Variants in CYP2C19 observed in about 807,000 individuals in gnomAD.
CYP2C19 encodes cytochrome P450 2C19.
In CYP2C19, 59 loss-of-function variants were observed where a neutral mutation model predicts 40.9. The ratio of observed to expected loss-of-function variants is 1.44; its 90% CI spans 1.17 to 1.79. The LOEUF is 1.79. CYP2C19 is among the 40% of genes most tolerant of loss of function. The pLI is 0.00. For missense variants in CYP2C19, 754 were observed against 596.9 expected (o/e 1.26, Z -2.74); for synonymous variants, 253 against 208.7 (o/e 1.21, Z -1.83).
intron 1 of CYP2C19, among the ~76,000 whole-genome samples, chr10:94,769,563 A>G (rs1848298536): frequency 6.6e-6 from 1 of 152,168 alleles, no homozygotes; most frequent in East Asian, 1.9e-4. Context: ...CTCATTGATG[A>G]GTATAAGATC....
At chr10:94,810,405 G>C (rs1848902661) in intron 5 of CYP2C19, among the ~76,000 whole-genome samples, 1 of 152,094 alleles carries the variant, frequency 6.6e-6, no homozygotes, top group Admixed American at 6.6e-5. Flanking sequence ...CTTATAAAAT[G>C]AGTTAGGAAA....
chr10:94,809,879 G>A (rs1372104221), intron 5 of CYP2C19, among the ~76,000 whole-genome samples: 2 of 151,762 alleles, frequency 1.3e-5, no homozygotes, highest in Non-Finnish European at 2.9e-5. Flanking sequence ...GTGTGTGTTT[G>A]TTTATTTATT....
At chr10:94,841,426 T>G (rs1015957891) in intron 6 of CYP2C19, among the ~76,000 whole-genome samples, 5 of 152,244 alleles carry the variant, frequency 3.3e-5, no homozygotes, top group Non-Finnish European at 7.4e-5. Context: ...GAGTGAAAGC[T>G]CAGCTCCAGC....
chr10:94,840,645 C>T (rs560339129), intron 6 of CYP2C19, among the ~76,000 whole-genome samples: 5 of 152,278 alleles, frequency 3.3e-5, no homozygotes, highest in South Asian at 2.1e-4. Flanking sequence ...AAGGTAGGGG[C>T]GCACGCATGT....
intron 1 of CYP2C19, among the ~76,000 whole-genome samples, chr10:94,767,378 G>A (rs1848260240): frequency 6.6e-6 from 1 of 152,134 alleles, no homozygotes; most frequent in African/African-American, 2.4e-5. Flanking sequence ...CTTTGGGGAA[G>A]CCAAAATCTA....
chr10:94,798,772 G>A (rs530205243), intron 5 of CYP2C19, among the ~76,000 whole-genome samples: 6 of 142,812 alleles, frequency 4.2e-5, no homozygotes, highest in Non-Finnish European at 7.6e-5. Flanking sequence ...TTCTTTGTTG[G>A]TTTAAAGTCT....
intron 6 of CYP2C19, among the ~76,000 whole-genome samples, chr10:94,834,431 C>T (rs1045255744): frequency 6.6e-6 from 1 of 151,656 alleles, no homozygotes; most frequent in African/African-American, 2.4e-5. Flanking sequence ...TGTTTAATTT[C>T]TCAAAGAAAC....
rs11188078 is a variant in CYP2C19, at chr10:94,772,604, C to A, written c.169-2454C>A. ...GGTCAACCAACTTGTTGTCGGGACC[C>A]CGGAGCTGAATGGCTTTCCTCTCTG... is the stretch of plus-strand genomic sequence containing the variant. On this transcript the variant is annotated intron_variant, in intron 1 of 8. Coordinates refer to ENST00000371321, the MANE Select transcript of CYP2C19 (RefSeq NM_000769.4). Among the ~76,000 whole-genome samples the A allele has an allele frequency of 2.2e-4, 33 of 152,264 alleles. 1 individual carries two copies. The East Asian group carries it at 5.0e-3, about 23-fold the overall frequency.
At chr10:94,798,814 ATTTTTTTTT>A (rs61240923) in intron 5 of CYP2C19, among the ~76,000 whole-genome samples, 5 of 67,696 alleles carry the variant, frequency 7.4e-5, no homozygotes, top group Admixed American at 2.1e-4. Context: ...GCAACCCCTG[ATTTTTTTTT>A]TTTTTTTTTT....
At chr10:94,784,293 A>G (rs1349144308) in intron 5 of CYP2C19, among the ~76,000 whole-genome samples, 2 of 152,044 alleles carry the variant, frequency 1.3e-5, no homozygotes, top group Non-Finnish European at 2.9e-5. Flanking sequence ...ATTGTTATTC[A>G]TCTGTTTGTG....
At chr10:94,834,410 C>G (rs1849370788) in intron 6 of CYP2C19, among the ~76,000 whole-genome samples, 1 of 151,958 alleles carries the variant, frequency 6.6e-6, no homozygotes, top group Non-Finnish European at 1.5e-5. Context: ...TGGCTAAAAA[C>G]TTGTCAATTT....
At chr10:94,766,271 G>C (rs1848242007) in intron 1 of CYP2C19, among the ~76,000 whole-genome samples, 3 of 150,134 alleles carry the variant, frequency 2.0e-5, no homozygotes, top group Non-Finnish European at 3.0e-5. Context: ...GTCTTGTAGA[G>C]ATAATTAGGA....
chr10:94,816,859 G>C (rs1324031507), intron 5 of CYP2C19, among the ~76,000 whole-genome samples: 2 of 149,034 alleles, frequency 1.3e-5, no homozygotes, highest in Admixed American at 1.3e-4. Context: ...ATAGTTTACT[G>C]AGAATGATGA....
At chr10:94,841,219 C>G (rs1564682836) in intron 6 of CYP2C19, among the ~76,000 whole-genome samples, 1 of 152,164 alleles carries the variant, frequency 6.6e-6, no homozygotes, top group Non-Finnish European at 1.5e-5. Context: ...ACCGTGGAAC[C>G]CGGCAACTAG....
Position 94,829,580 on chromosome 10 carries a change from C to G in CYP2C19, c.961+8943C>G, listed in dbSNP as rs896855277. ...TCTAAATTTTTTTCAAAGTTTTCAA[C>G]TTCTTTGCCTTTGGTTTGAATGTCC... On this transcript the variant is annotated intron_variant, in intron 6 of 8. Transcript: ENST00000371321. Among the ~76,000 whole-genome samples, 4 of 152,050 alleles carry G rather than the reference C, an allele frequency of 2.6e-5. No individual in the cohort carries two copies. In the East Asian group the frequency reaches 5.8e-4, roughly 22 times the overall value.
At chr10:94,827,691 G>C (rs943628728) in intron 6 of CYP2C19, among the ~76,000 whole-genome samples, 29 of 152,008 alleles carry the variant, frequency 1.9e-4, no homozygotes, top group Non-Finnish European at 3.5e-4. Context: ...TTAGTTATTT[G>C]TTGCCTTCTG....
chr10:94,832,193 G>A (rs1408648418), intron 6 of CYP2C19, among the ~76,000 whole-genome samples: 2 of 152,134 alleles, frequency 1.3e-5, no homozygotes, highest in African/African-American at 2.4e-5. Context: ...TGGTACCTGT[G>A]TTAGTCTGTT....
At chr10:94,789,802 G>T (rs1264052921) in intron 5 of CYP2C19, among the ~76,000 whole-genome samples, 1 of 152,004 alleles carries the variant, frequency 6.6e-6, no homozygotes, top group African/African-American at 2.4e-5. Flanking sequence ...TGTTCTTTTT[G>T]CTGAGGATTG....
chr10:94,834,618 A>AG (rs1435438661), intron 6 of CYP2C19, among the ~76,000 whole-genome samples: 6 of 149,592 alleles, frequency 4.0e-5, no homozygotes, highest in Admixed American at 4.0e-4. Flanking sequence ...ATACAAAGGG[A>AG]GGGGACCCAA....
Sources: allele counts gnomAD v4.1 joint callset (sites outside exome capture counted in the v4.1 genomes callset), GRCh38; gene constraint gnomAD v4.1.1; transcripts MANE v1.5; gene names NCBI Gene and HGNC (gene_info 2026-07-23, HGNC 2026-07-21).